LEMD3: variants seen among roughly 807,000 people sequenced by gnomAD.
LEMD3 encodes the protein inner nuclear membrane protein Man1.
Under a neutral mutation model 95.2 loss-of-function variants are expected in LEMD3, and 33 were observed. The observed-to-expected ratio is 0.35, with a 90% CI of 0.26 to 0.46. The LOEUF is 0.46. LEMD3 is among the 20% of genes least tolerant of loss of function. The pLI is 1.00. For synonymous variants in LEMD3, 525 were observed against 474.6 expected, an observed-to-expected ratio of 1.11 and a Z score of -1.38; for missense variants, 1,210 against 1,192.8, an observed-to-expected ratio of 1.01 and a Z score of -0.21.
intron 1 of LEMD3, among the ~76,000 whole-genome samples, chr12:65,176,238 C>T (rs1026748757): frequency 3.9e-5 from 6 of 152,176 alleles, no homozygotes; most frequent in African/African-American, 1.2e-4. Flanking sequence ...AAAATCTAAA[C>T]TCGTTGGCTA....
intron 1 of LEMD3, among the ~76,000 whole-genome samples, chr12:65,180,165 T>A (rs1392949371): frequency 6.6e-6 from 1 of 151,974 alleles, no homozygotes; most frequent in Admixed American, 6.6e-5. Flanking sequence ...AGGCTGGTCT[T>A]AAACTCCTGA....
chr12:65,247,169 C>CT lies in LEMD3; in HGVS notation c.*845dup, dbSNP rs1434806646. On this transcript the variant is annotated 3_prime_UTR_variant, in exon 13 of 13. Coordinates refer to ENST00000308330, the MANE Select transcript of LEMD3 (RefSeq NM_014319.5). ...TTTTATAGGTTTTATATAAAAATGT[C>CT]TGAGTATGATTTTGTGTGAAAGTTC... 6.6e-6 allele frequency: 1 copy of CT among 152,314 alleles called. No homozygotes were observed. The highest frequency in any genetic ancestry group is 2.4e-5 in the African/African-American group (1 of 41,334). 9.4% of individuals were successfully genotyped at this position (152,314 alleles called of 1,614,324 possible). A position where few individuals can be genotyped will look rare whatever the true frequency, so the allele number is the denominator to read the frequency against.
chr12:65,201,615 G>T (rs936871727), intron 1 of LEMD3, among the ~76,000 whole-genome samples: 1 of 152,164 alleles, frequency 6.6e-6, no homozygotes, highest in African/African-American at 2.4e-5. Flanking sequence ...ATATAGCAAA[G>T]TAGTTGACTT....
chr12:65,209,238 A>G (rs537172608), intron 1 of LEMD3, among the ~76,000 whole-genome samples: 4 of 152,210 alleles, frequency 2.6e-5, no homozygotes, highest in African/African-American at 4.8e-5. Context: ...TTATGGAGCT[A>G]CTCACAGAGC....
intron 4 of LEMD3, among the ~76,000 whole-genome samples, chr12:65,224,290 G>A (rs1033492046): frequency 3.3e-5 from 5 of 152,108 alleles, no homozygotes; most frequent in Non-Finnish European, 4.4e-5. Context: ...GGCAGTTCTA[G>A]TGATGATTAA....
intron 1 of LEMD3, among the ~76,000 whole-genome samples, chr12:65,189,382 G>A (rs1352621334): frequency 1.3e-5 from 2 of 152,156 alleles, no homozygotes; most frequent in Non-Finnish European, 1.5e-5. Context: ...TGTGTCCGGA[G>A]GGCAGTTGGT....
At chr12:65,233,393 A>G (rs1412190120) in intron 4 of LEMD3, among the ~76,000 whole-genome samples, 1 of 152,196 alleles carries the variant, frequency 6.6e-6, no homozygotes, top group African/African-American at 2.4e-5. Flanking sequence ...AAGGTTGTAC[A>G]TATAGCTAAT....
chr12:65,228,354 G>C (rs1208150050), intron 4 of LEMD3, among the ~76,000 whole-genome samples: 1 of 106,962 alleles, frequency 9.3e-6, no homozygotes, highest in Non-Finnish European at 1.9e-5. Context: ...ATGAACTGTA[G>C]CTTTTTGTGT....
At chr12:65,211,389 A>T (rs1452012872) in intron 2 of LEMD3, among the ~76,000 whole-genome samples, 1 of 152,174 alleles carries the variant, frequency 6.6e-6, no homozygotes, top group Non-Finnish European at 1.5e-5. Flanking sequence ...TGGCATGCCT[A>T]TTCGACCATC....
intron 12 of LEMD3, 94 bp downstream of exon 12, chr12:65,246,033 A>AT: frequency 3.1e-6 from 4 of 1,286,746 alleles, no homozygotes; most frequent in South Asian, 1.2e-5. Flanking sequence ...TTAGGTTAGC[A>AT]TTTTTTTGAG....
intron 4 of LEMD3, among the ~76,000 whole-genome samples, chr12:65,224,476 T>G (rs539461639): frequency 6.6e-6 from 1 of 152,298 alleles, no homozygotes; most frequent in South Asian, 2.1e-4. Flanking sequence ...TTGTATACCA[T>G]TTTTAATAGT....
Position 65,188,631 on chromosome 12 carries a change from ACTTG to A in LEMD3, c.1522+17517_1522+17520del, listed in dbSNP as rs143162164. Among the ~76,000 whole-genome samples the A allele has an allele frequency of 3.0e-3, 457 of 152,240 alleles. 1 individual carries two copies. The highest frequency in any genetic ancestry group is 4.9e-3 in the Non-Finnish European group (333 of 67,990). ...TCTTCAGGCTAATGGCTTCCTCCTT[ACTTG>A]CTTTAACAATTTTCTCCTTTTGTCA... is the stretch of plus-strand genomic sequence containing the variant. On this transcript the variant is annotated intron_variant, in intron 1 of 12. Transcript: ENST00000308330.
At chr12:65,203,053 T>C (rs548312151) in intron 1 of LEMD3, among the ~76,000 whole-genome samples, 2 of 152,184 alleles carry the variant, frequency 1.3e-5, no homozygotes, top group Non-Finnish European at 2.9e-5. Context: ...TGATTTCTGC[T>C]CTAATTCTTA....
chr12:65,176,713 A>C (rs1868731255), intron 1 of LEMD3, among the ~76,000 whole-genome samples: 1 of 152,180 alleles, frequency 6.6e-6, no homozygotes, highest in Non-Finnish European at 1.5e-5. Context: ...ATTGCCTCAT[A>C]CTAAAAATGA....
intron 1 of LEMD3, among the ~76,000 whole-genome samples, chr12:65,184,545 T>G (rs1869001293): frequency 6.6e-6 from 1 of 152,170 alleles, no homozygotes; most frequent in African/African-American, 2.4e-5. Flanking sequence ...AATTTCTGTT[T>G]TCCAACTTAT....
chr12:65,180,353 A>G (rs1417773619), intron 1 of LEMD3, among the ~76,000 whole-genome samples: 2 of 148,974 alleles, frequency 1.3e-5, no homozygotes, highest in Non-Finnish European at 3.0e-5. Flanking sequence ...TATATATTAT[A>G]TATTATATAT....
At chr12:65,222,987 G>A (rs1565793884) in intron 4 of LEMD3, among the ~76,000 whole-genome samples, 1 of 151,910 alleles carries the variant, frequency 6.6e-6, no homozygotes, top group African/African-American at 2.4e-5. Context: ...TCATTTCATT[G>A]TGGTGTGAAA....
In LEMD3 at chr12:65,170,586, G is replaced by C; in HGVS notation, c.990G>C (p.Arg330Ser). The C allele has an allele frequency of 6.2e-7, 1 of 1,614,028 alleles. No homozygotes were observed. The highest frequency in any genetic ancestry group is 8.5e-7 in the Non-Finnish European group (1 of 1,179,964). Reference sequence around the variant, plus strand: ...CGGCGGCTGCCGGGAGTCTAGACAGGAGCCGAAACCTCGAAGAGGCGGCGG... The same window carrying C: ...CGGCGGCTGCCGGGAGTCTAGACAGCAGCCGAAACCTCGAAGAGGCGGCGG... ...DRAAAAGSLD[R>S]SRNLEEAAAA... Residue 330 changes from arginine to serine, a missense_variant, in exon 1 of 13, where the codon AGG (arginine) becomes AGC (serine). Coordinates refer to ENST00000308330, the MANE Select transcript of LEMD3 (RefSeq NM_014319.5).
chr12:65,234,100 G>A (rs1870707146), intron 4 of LEMD3, among the ~76,000 whole-genome samples: 1 of 152,182 alleles, frequency 6.6e-6, no homozygotes, highest in Non-Finnish European at 1.5e-5. Flanking sequence ...ATTGGAAAAT[G>A]TTTGTTTTAT....
Sources: gnomAD v4.1 joint callset for allele counts (sites outside exome capture counted in the v4.1 genomes callset) on GRCh38, gnomAD v4.1.1 for gene constraint, MANE v1.5 for transcripts, NCBI Gene and HGNC (gene_info 2026-07-23, HGNC 2026-07-21) for gene names.